ZNF668: variants seen among roughly 807,000 people sequenced by gnomAD.
ZNF668 encodes the protein zinc finger protein 668.
A neutral mutation model predicts 40.3 loss-of-function variants in ZNF668; 10 were observed. The ratio of observed to expected loss-of-function variants is 0.25; its 90% CI spans 0.15 to 0.42. The LOEUF is 0.42. Among genes scored for constraint, ZNF668 ranks in the 10% least tolerant of loss-of-function variants. The pLI is 1.00. For synonymous variants in ZNF668, 428 were observed against 384.6 expected (o/e 1.11, Z -1.32); for missense variants, 749 against 904.6 (o/e 0.83, Z 2.21).
At position 31,073,996 on chromosome 16, in the gene ZNF668, A is replaced by C. The variant is rs1209385852; in HGVS notation, c.-360T>G. On this transcript the variant is annotated 5_prime_UTR_variant, in exon 1 of 3. Coordinates refer to ENST00000300849, the MANE Select transcript of ZNF668 (RefSeq NM_024706.5). ...TCTTCAAGAACCAGAAGGTGGGAGG[A>C]CAAAAAGGCCATGCTCAAGCTCTGC... 1 of 152,202 alleles carries C rather than the reference A, an allele frequency of 6.6e-6. No individual in the cohort carries two copies. Among genetic ancestry groups the C allele is most frequent in the East Asian group, 1.9e-4 (1 of 5,200 alleles). The allele number at this position is 152,202 out of a possible 1,614,324, so 9.4% of individuals were successfully genotyped here.
chr16:31,061,249 C>A lies in ZNF668; in HGVS notation c.1679G>T (p.Arg560Leu). The change falls in exon 3 of 3, where the codon CGC becomes CTC. Residue 560 changes from arginine (R) to leucine (L), a missense_variant. Transcript: ENST00000300849. The surrounding 1 kb of genome is among the most constrained non-coding windows in gnomAD (Gnocchi z 7.7). The stretch of plus-strand genomic sequence containing the variant: ...TGAGCTGTGAGTGCGGCTGTGTTTG[C>A]GCAGCCCAGCCCGGTCAGAGAAGCT... The part of the protein sequence containing the change: ...GKSFSDRAGL[R>L]KHSRTHSSVR... 6.5e-7 allele frequency: 1 copy of A among 1,538,470 alleles called. No homozygotes were observed. The highest frequency in any genetic ancestry group is 8.7e-7 in the Non-Finnish European group (1 of 1,143,492).
chr16:31,064,628 G>T, intron 1 of ZNF668, 147 bp from the exon 2 acceptor site: 3 of 1,537,200 alleles, frequency 2.0e-6, no homozygotes, highest in Non-Finnish European at 2.6e-6. Flanking sequence ...TCCTGCGTTC[G>T]TTTCCTCCCT....
intron 1 of ZNF668, among the ~76,000 whole-genome samples, chr16:31,072,540 CA>C (rs2057022741): frequency 1.3e-5 from 2 of 152,190 alleles, no homozygotes; most frequent in Admixed American, 1.3e-4. Flanking sequence ...ATTCAATTTC[CA>C]AAAATCCTAG....
chr16:31,072,571 G>A (rs2057022967), intron 1 of ZNF668, among the ~76,000 whole-genome samples: 1 of 152,220 alleles, frequency 6.6e-6, no homozygotes, highest in Non-Finnish European at 1.5e-5. Context: ...CTGGGGCAGG[G>A]ATGAGGAGAA....
At chr16:31,066,131 C>T (rs146419078) in intron 1 of ZNF668, 54 of 985,470 alleles carry the variant, frequency 5.5e-5, no homozygotes, top group East Asian at 1.1e-4. Flanking sequence ...CAGGCCTGCA[C>T]GCTGCCCTCC....
At chr16:31,070,261 G>C (rs890489667) in intron 1 of ZNF668, among the ~76,000 whole-genome samples, 1 of 150,478 alleles carries the variant, frequency 6.6e-6, no homozygotes, top group African/African-American at 2.5e-5. Flanking sequence ...AGGCTGGAGT[G>C]CAATGGCACA....
intron 1 of ZNF668, among the ~76,000 whole-genome samples, chr16:31,070,729 A>C (rs1177910662): frequency 6.7e-6 from 1 of 149,012 alleles, no homozygotes; most frequent in Non-Finnish European, 1.5e-5. Flanking sequence ...TTTAGTAGAG[A>C]TGGAGTTTCA....
In ZNF668 at chr16:31,062,237, T is replaced by A. The variant is rs777061851; in HGVS notation, c.691A>T (p.Lys231Ter). The change falls in exon 3 of 3, where the codon AAG (lysine) becomes TAG (stop). Residue 231 changes from lysine (K) to a stop codon, truncating the protein, a stop_gained. Transcript: ENST00000300849. LOFTEE classifies it high-confidence loss of function. ...ERPFLCSECG[K>*]SFSRSSSLTC... Reference sequence around the variant, plus strand: ...AGCGAGGATGAGCGGGAGAAGCTCTTCCCGCACTCGGAGCAGAGGAAGGGG... The same window carrying A: ...AGCGAGGATGAGCGGGAGAAGCTCTACCCGCACTCGGAGCAGAGGAAGGGG... 1 of 1,611,634 alleles carries A rather than the reference T, an allele frequency of 6.2e-7. No individual in the cohort carries two copies.
chr16:31,067,406 G>A (rs1485289089), intron 1 of ZNF668, among the ~76,000 whole-genome samples: 1 of 152,142 alleles, frequency 6.6e-6, no homozygotes, highest in Non-Finnish European at 1.5e-5. Context: ...AAATGGTTCA[G>A]TATTTTGTTA....
chr16:31,068,249 T>A (rs867466847), intron 1 of ZNF668, among the ~76,000 whole-genome samples: 3,531 of 66,016 alleles, frequency 0.053, 262 homozygotes, highest in African/African-American at 0.14. Flanking sequence ...AATATATATA[T>A]ATATATATAT....
chr16:31,067,004 G>A (rs2056985503), intron 1 of ZNF668, among the ~76,000 whole-genome samples: 1 of 152,050 alleles, frequency 6.6e-6, no homozygotes, highest in Admixed American at 6.6e-5. Flanking sequence ...GATCCCTTGA[G>A]CCCAGGAGTT....
Position 31,061,134 on chromosome 16 carries a change from C to T in ZNF668, c.1794G>A (p.Met598Ile). 1 of 1,511,392 alleles carries T rather than the reference C, an allele frequency of 6.6e-7. No individual in the cohort carries two copies. The highest frequency in any genetic ancestry group is 8.8e-7 in the Non-Finnish European group (1 of 1,131,988). 93.6% of individuals were successfully genotyped at this position (1,511,392 alleles called of 1,614,324 possible). The change falls in exon 3 of 3, where the codon ATG becomes ATA. Residue 598 changes from methionine to isoleucine, a missense_variant. Met to Ile is a conservative substitution (Grantham distance 10). Coordinates refer to ENST00000300849, the MANE Select transcript of ZNF668 (RefSeq NM_024706.5). This position sits in a 1 kb window ranked among gnomAD's most constrained non-coding sequence, Gnocchi z 7.7. Reference protein sequence around the residue: ...RKHERTHPVPMGTPTPLEPLV... With the variant: ...RKHERTHPVPIGTPTPLEPLV... The stretch of plus-strand genomic sequence containing the variant: ...GGGGCTCCAGGGGTGTGGGGGTCCC[C>T]ATGGGCACAGGGTGGGTGCGTTCAT...
Position 31,063,869 on chromosome 16 carries a change from G to C in ZNF668, c.591C>G (p.Ser197Arg). 11 of 1,595,608 alleles carry C rather than the reference G, an allele frequency of 6.9e-6. No homozygotes were observed. Among genetic ancestry groups the C allele is most frequent in the Non-Finnish European group, 9.4e-6 (11 of 1,171,222 alleles). ...RRTHAGLRPY[S>R]CERCGKAYAE... ...CATAGGCTTTGCCGCAACGCTCACA[G>C]CTGTAGGGCCGCAGGCCAGCGTGAG... The change falls in exon 2 of 3, where the codon AGC becomes AGG. Residue 197 changes from serine to arginine, a missense_variant. By Grantham distance (110) the Ser-to-Arg change is moderately radical (BLOSUM62 -1). Around this residue, in one of 4 missense-constraint regions of ZNF668, gnomAD observed 151 missense variants for 178.6 expected, o/e 0.85. Coordinates refer to ENST00000300849, the MANE Select transcript of ZNF668 (RefSeq NM_024706.5).
chr16:31,064,575 G>A (rs1457115204), intron 1 of ZNF668, 94 bp from the exon 2 acceptor site: 4 of 1,567,054 alleles, frequency 2.6e-6, no homozygotes, highest in East Asian at 4.7e-5. Flanking sequence ...TTCTCACCTC[G>A]GAACCCACAC....
Position 31,064,680 on chromosome 16 carries a change from G to A in ZNF668, c.-22-199C>T, listed in dbSNP as rs935208149. ...AAAGGAGTTGGACCAAGTGTCCGCAGAGCCACTAAGAAAGGAGGCTGAGGG... is the reference window on the plus strand; with the variant it reads ...AAAGGAGTTGGACCAAGTGTCCGCAAAGCCACTAAGAAAGGAGGCTGAGGG... On this transcript the variant is annotated intron_variant, in intron 1 of 2. Coordinates refer to ENST00000300849, the MANE Select transcript of ZNF668 (RefSeq NM_024706.5). 39 of 1,536,058 alleles carry A rather than the reference G, an allele frequency of 2.5e-5. No individual in the cohort carries two copies. In the East Asian group the frequency reaches 6.6e-4, roughly 26 times the overall value.
chr16:31,072,193 C>G (rs2057019607), intron 1 of ZNF668, among the ~76,000 whole-genome samples: 1 of 152,190 alleles, frequency 6.6e-6, no homozygotes, highest in South Asian at 2.1e-4. Context: ...ATCACCAGCA[C>G]CAGAGTCCAG....
chr16:31,061,017 CCCCCGAT>C lies in ZNF668; in HGVS notation c.*44_*50del. ...GCCAGGCAAAAGGAGGTACAGGAAG[CCCCCGAT>C]GGGGGCTGGGCTCCCGGAGTGTGGT... is the stretch of plus-strand genomic sequence containing the variant. On this transcript the variant is annotated 3_prime_UTR_variant, in exon 3 of 3. Coordinates refer to ENST00000300849, the MANE Select transcript of ZNF668 (RefSeq NM_024706.5). The surrounding 1 kb of genome is among the most constrained non-coding windows in gnomAD (Gnocchi z 7.7). 1.4e-6 allele frequency: 2 copies of C among 1,425,156 alleles called. No homozygotes were observed. Among genetic ancestry groups the C allele is most frequent in the Non-Finnish European group, 1.8e-6 (2 of 1,086,596 alleles). 88.3% of individuals were successfully genotyped at this position (1,425,156 alleles called of 1,614,324 possible).
chr16:31,065,636 G>C (rs1299171599), intron 1 of ZNF668: 1 of 152,248 alleles, frequency 6.6e-6, no homozygotes, highest in Admixed American at 6.5e-5. Context: ...GGCGGATCAC[G>C]AGGTCAGGAG....
At chr16:31,065,193 C>T in intron 1 of ZNF668, 3 of 949,424 alleles carry the variant, frequency 3.2e-6, no homozygotes, top group Non-Finnish European at 3.8e-6. Context: ...AAGCCTCTTT[C>T]TGAGTCATAA....
Sources: gnomAD v4.1 joint callset for allele counts (sites outside exome capture counted in the v4.1 genomes callset) on GRCh38, gnomAD v4.1.1 for gene constraint, gnomAD v4.1.1 regional missense constraint, Gnocchi (gnomAD v3.1) non-coding constraint, MANE v1.5 for transcripts, NCBI Gene and HGNC (gene_info 2026-07-23, HGNC 2026-07-21) for gene names.